PARP1: variants seen among roughly 807,000 people sequenced by gnomAD.
PARP1 encodes poly [ADP-ribose] polymerase 1.
PARP1 carries 44 observed loss-of-function variants against 118.7 expected under a neutral mutation model. The ratio of observed to expected loss-of-function variants is 0.37; its 90% CI spans 0.29 to 0.48. The LOEUF (loss-of-function observed/expected upper bound fraction) is 0.48. Among genes scored for constraint, PARP1 ranks in the 20% least tolerant of loss-of-function variants. The probability of loss-of-function intolerance (pLI) is 0.99; values close to 1 mark genes in which losing one functional copy is unlikely to be tolerated. For synonymous variants in PARP1, 492 were observed against 483.2 expected, an observed-to-expected ratio of 1.02 and a Z score of -0.24; for missense variants, 1,100 against 1,272.4, an observed-to-expected ratio of 0.86 and a Z score of 2.06.
chr1:226,401,039 T>C (rs1213460112), intron 2 of PARP1, among the ~76,000 whole-genome samples: 1 of 152,238 alleles, frequency 6.6e-6, no homozygotes, highest in African/African-American at 2.4e-5. Flanking sequence ...AAGCTTTTAA[T>C]AGCTTTGCTT....
intron 12 of PARP1, among the ~76,000 whole-genome samples, chr1:226,378,093 T>G (rs1159117161): frequency 6.6e-6 from 1 of 152,158 alleles, no homozygotes; most frequent in African/African-American, 2.4e-5. Flanking sequence ...AAGCACTACC[T>G]TGATCTACGT....
chr1:226,367,100 T>TA (rs1203151263), intron 17 of PARP1: 3 of 303,642 alleles, frequency 9.9e-6, no homozygotes, highest in African/African-American at 6.5e-5. Context: ...ACACCGGTAA[T>TA]AAGTCTTCTA....
chr1:226,389,073 TA>T (rs1042972381), intron 4 of PARP1, among the ~76,000 whole-genome samples: 574 of 143,052 alleles, frequency 4.0e-3, no homozygotes, highest in Non-Finnish European at 3.9e-3. Context: ...CGTCTGAGGT[TA>T]AAAAAAAAAA....
At position 226,383,099 on chromosome 1, in the gene PARP1, C is replaced by A; in HGVS notation, c.1096G>T (p.Ala366Ser). Residue 366 changes from alanine (A) to serine (S), a missense_variant, in exon 8 of 23, where the codon GCG becomes TCG. Around this residue, in one of 2 missense-constraint regions of PARP1, gnomAD observed 948 missense variants for 1,031.8 expected, o/e 0.92. Coordinates refer to ENST00000366794, the MANE Select transcript of PARP1 (RefSeq NM_001618.4). Reference protein sequence around the residue: ...IFPPETSASVAATPPPSTASA... With the variant: ...IFPPETSASVSATPPPSTASA... ...GCTGTGGAGGGCGGAGGCGTGGCCGCCACGGAGGCGCTGGTTTCTGGGGGG... is the reference window on the plus strand; with the variant it reads ...GCTGTGGAGGGCGGAGGCGTGGCCGACACGGAGGCGCTGGTTTCTGGGGGG... 6.2e-7 allele frequency: 1 copy of A among 1,613,152 alleles called. No homozygotes were observed. Among genetic ancestry groups the A allele is most frequent in the South Asian group, 1.1e-5 (1 of 91,034 alleles).
chr1:226,368,280 G>T lies in PARP1; in HGVS notation c.2196C>A (p.Leu732=), dbSNP rs769100601. ...QGSSDSQILD[L]SNRFYTLIPH... ...GGATCAGGGTGTAAAAGCGATTTGA[G>T]AGATCCAGGATCTGAGAGTCGCTGC... Residue 732 remains leucine (L), a synonymous_variant, in exon 16 of 23, where the codon CTC becomes CTA. Coordinates refer to ENST00000366794, the MANE Select transcript of PARP1 (RefSeq NM_001618.4). 7.4e-6 allele frequency: 12 copies of T among 1,614,096 alleles called. No individual in the cohort carries two copies. The East Asian group carries it at 2.7e-4, about 36-fold the overall frequency.
In PARP1 at chr1:226,390,608, G is replaced by A. The variant is rs1216641554; in HGVS notation, c.419C>T (p.Ser140Phe). ...EKIEKGQVRL[S>F]KKMVDPEKPQ... ...CTTCTCCGGGTCCACCATCTTCTTG[G>A]ACAGGCGCACCTGGCCCTGCAGGAA... is the stretch of plus-strand genomic sequence containing the variant. Residue 140 changes from serine to phenylalanine, a missense_variant, in exon 4 of 23, where the codon TCC becomes TTC. Physicochemically the swap from Ser to Phe is radical, Grantham distance 155. Around this residue, in one of 2 missense-constraint regions of PARP1, gnomAD observed 948 missense variants for 1,031.8 expected, o/e 0.92. Transcript: ENST00000366794. 6 of 1,614,012 alleles carry A rather than the reference G, an allele frequency of 3.7e-6. No homozygotes were observed. The African/African-American group carries it at 5.3e-5, about 14-fold the overall frequency.
chr1:226,372,270 G>A (rs1006967301), intron 14 of PARP1, among the ~76,000 whole-genome samples: 18 of 152,250 alleles, frequency 1.2e-4, no homozygotes, highest in Non-Finnish European at 2.6e-4. Context: ...TGGGCACCCC[G>A]CTTTCCACAC....
rs537830017 is a variant in PARP1 at position 226,381,312 on chromosome 1, A to G, written c.1160-104T>C. 2.2e-4 allele frequency: 293 copies of G among 1,359,228 alleles called. No homozygotes were observed. The African/African-American group carries it at 3.8e-3, about 18-fold the overall frequency. 84.2% of individuals were successfully genotyped at this position (1,359,228 alleles called of 1,614,324 possible). A position where few individuals can be genotyped will look rare whatever the true frequency, so the allele number is the denominator to read the frequency against. ...GAGCCAAGCAGCGAGCTCCTGGGAA[A>G]AGCCTATGAAAATACACTCGCGAGA... is the stretch of plus-strand genomic sequence containing the variant. On this transcript the variant is annotated intron_variant, in intron 8 of 22. Transcript: ENST00000366794.
At position 226,383,186 on chromosome 1, in the gene PARP1, A is replaced by G. The variant is rs1252273580; in HGVS notation, c.1012-3T>C. 1 of 1,611,920 alleles carries G rather than the reference A, an allele frequency of 6.2e-7. No individual in the cohort carries two copies. The highest frequency in any genetic ancestry group is 8.5e-7 in the Non-Finnish European group (1 of 1,178,654). On this transcript the variant is annotated splice_region_variant and splice_polypyrimidine_tract_variant and intron_variant, in intron 7 of 22. Transcript: ENST00000366794. The stretch of plus-strand genomic sequence containing the variant: ...AGGTAAGAGATTTCTCGGAATTCCT[A>G]AAAAATATTAAGTTTTAGTTAAGAA...
At chr1:226,362,178 G>T in intron 21 of PARP1, 95 bp from the exon 22 acceptor site, 1 of 725,322 alleles carries the variant, frequency 1.4e-6, no homozygotes, top group Non-Finnish European at 2.4e-6. Context: ...GGTCCATGTG[G>T]TCTTTCTTTT....
At chr1:226,389,428 C>T (rs896350182) in intron 4 of PARP1, among the ~76,000 whole-genome samples, 2 of 152,212 alleles carry the variant, frequency 1.3e-5, no homozygotes, top group South Asian at 4.1e-4. Context: ...GAGCACAAAC[C>T]CTTGCACTTT....
At chr1:226,390,338 C>A (rs1334929677) in intron 4 of PARP1, 72 bp downstream of exon 4, 13 of 1,301,804 alleles carry the variant, frequency 1.0e-5, no homozygotes, top group East Asian at 2.3e-5. Context: ...TGGTATGGAA[C>A]CTGTAGGGCC....
Position 226,379,736 on chromosome 1 carries a change from A to G in PARP1, c.1544-95T>C. The G allele has an allele frequency of 5.3e-6, 7 of 1,317,708 alleles. No homozygotes were observed. The South Asian group carries it at 7.1e-5, about 13-fold the overall frequency. The allele number at this position is 1,317,708 out of a possible 1,614,324, so 81.6% of individuals were successfully genotyped here. A position where few individuals can be genotyped will look rare whatever the true frequency, so the allele number is the denominator to read the frequency against. The stretch of plus-strand genomic sequence containing the variant: ...CAAATGAGTTGTTCTCATTCCCATC[A>G]TCTGTCAACTCGGCATCTATATACA... On this transcript the variant is annotated intron_variant, in intron 10 of 22. Transcript: ENST00000366794.
intron 6 of PARP1, 140 bp from the exon 7 acceptor site, chr1:226,385,820 G>T: frequency 1.3e-6 from 1 of 780,676 alleles, no homozygotes; most frequent in Non-Finnish European, 2.2e-6. Context: ...TTGCTATGGG[G>T]CTCTTAACAC....
At chr1:226,406,412 T>C (rs538071787) in intron 1 of PARP1, among the ~76,000 whole-genome samples, 1 of 152,346 alleles carries the variant, frequency 6.6e-6, no homozygotes, top group South Asian at 2.1e-4. Flanking sequence ...CTAGGTTCCT[T>C]AGTGGGCAAC....
chr1:226,399,435 G>A (rs139787784), intron 2 of PARP1, among the ~76,000 whole-genome samples: 17 of 152,164 alleles, frequency 1.1e-4, no homozygotes, highest in African/African-American at 3.9e-4. Flanking sequence ...GCTACCTTCT[G>A]TATGATTCCA....
chr1:226,369,157 G>C (rs755232846), intron 15 of PARP1, among the ~76,000 whole-genome samples: 3 of 152,224 alleles, frequency 2.0e-5, no homozygotes, highest in Non-Finnish European at 2.9e-5. Flanking sequence ...GGAAAGCCTT[G>C]TAAGTTCTCA....
intron 22 of PARP1, 135 bp downstream of exon 22, chr1:226,361,834 G>C: frequency 1.4e-6 from 1 of 719,616 alleles, no homozygotes; most frequent in Non-Finnish European, 2.6e-6. Context: ...CCACAGAAGG[G>C]AAACAGTCAC....
chr1:226,397,282 G>A (rs1273570143), intron 2 of PARP1, among the ~76,000 whole-genome samples: 1 of 152,074 alleles, frequency 6.6e-6, no homozygotes, highest in Non-Finnish European at 1.5e-5. Flanking sequence ...GATCATGCCG[G>A]TACATTCCAG....
Sources: gnomAD v4.1 joint callset for allele counts (sites outside exome capture counted in the v4.1 genomes callset) on GRCh38, gnomAD v4.1.1 for gene constraint, gnomAD v4.1.1 regional missense constraint, MANE v1.5 for transcripts, NCBI Gene and HGNC (gene_info 2026-07-23, HGNC 2026-07-21) for gene names.